The following ZNF721 variants were observed in gnomAD, a reference collection of about 807,000 sequenced individuals.
ZNF721 encodes the protein zinc finger protein 721.
In ZNF721, 2 loss-of-function variants were observed where a neutral mutation model predicts 2.4. That is an observed-to-expected ratio of 0.82 (90% confidence interval 0.34 to 2.58). The LOEUF is 2.58. ZNF721 is among the 30% of genes most tolerant of loss of function. The pLI is 0.11. For missense variants in ZNF721, 1,187 were observed against 1,085.5 expected (o/e 1.09, Z -1.31); for synonymous variants, 398 against 381.8 (o/e 1.04, Z -0.50).
intron 2 of ZNF721, among the ~76,000 whole-genome samples, chr4:465,443 T>G (rs1349224516): frequency 7.3e-5 from 11 of 151,540 alleles, no homozygotes; most frequent in African/African-American, 2.7e-4. Flanking sequence ...TTGTTTTTTT[T>G]TTTTTTGAGA....
At chr4:474,107 G>A (rs73072110) in intron 1 of ZNF721, 1 of 1,232,942 alleles carries the variant, frequency 8.1e-7, no homozygotes, top group African/African-American at 1.5e-5. Context: ...TGGAAGCAGG[G>A]AAGTGAGGCC....
At chr4:453,114 G>A (rs1436117023) in intron 2 of ZNF721, among the ~76,000 whole-genome samples, 1 of 152,180 alleles carries the variant, frequency 6.6e-6, no homozygotes, top group Non-Finnish European at 1.5e-5. Flanking sequence ...CAAATACACT[G>A]GTGGCACTCG....
At chr4:465,811 G>C (rs1191867952) in intron 2 of ZNF721, among the ~76,000 whole-genome samples, 3 of 150,538 alleles carry the variant, frequency 2.0e-5, no homozygotes, top group African/African-American at 7.3e-5. Context: ...AACTGTAGTA[G>C]ATACACACAC....
Position 473,884 on chromosome 4 carries a change from G to C in ZNF721, c.-93-1183C>G, listed in dbSNP as rs989761358. On this transcript the variant is annotated intron_variant, in intron 1 of 2. Transcript: ENST00000511833. ...GGACCGAGGGCTAAGCGGCGGCAGC[G>C]GGGACTCCGTTCGCAGACTCAGTCC... 9.3e-6 allele frequency: 13 copies of C among 1,401,900 alleles called. No individual in the cohort carries two copies. The Admixed American group carries it at 2.1e-4, about 22-fold the overall frequency. The allele number at this position is 1,401,900 out of a possible 1,614,324, so 86.8% of individuals were successfully genotyped here.
At chr4:483,647 T>C (rs1715826066) in intron 1 of ZNF721, among the ~76,000 whole-genome samples, 2 of 151,948 alleles carry the variant, frequency 1.3e-5, no homozygotes, top group South Asian at 4.2e-4. Context: ...CAAAAACGGG[T>C]AGTTCTAGTC....
chr4:449,368 G>T (rs956857414), intron 2 of ZNF721, among the ~76,000 whole-genome samples: 2 of 151,838 alleles, frequency 1.3e-5, no homozygotes, highest in Admixed American at 6.6e-5. Context: ...TCAATAAATG[G>T]TGCTAGGAAA....
At chr4:468,211 G>C (rs1225922817) in intron 2 of ZNF721, among the ~76,000 whole-genome samples, 3 of 151,604 alleles carry the variant, frequency 2.0e-5, no homozygotes, top group Non-Finnish European at 4.4e-5. Flanking sequence ...AGCTTGCAGT[G>C]AGCTGAGATA....
chr4:444,124 C>G lies in ZNF721; in HGVS notation c.343G>C (p.Gly115Arg), dbSNP rs374184602. The G allele has an allele frequency of 5.6e-6, 9 of 1,614,026 alleles. No homozygotes were observed. Among genetic ancestry groups the G allele is most frequent in the African/African-American group, 1.3e-5 (1 of 74,934 alleles). The change falls in exon 3 of 3, where the codon GGC (glycine) becomes CGC (arginine). Residue 115 changes from glycine to arginine, a missense_variant. Physicochemically the swap from Gly to Arg is moderately radical, Grantham distance 125 (BLOSUM62 -2). Coordinates refer to ENST00000511833, the MANE Select transcript of ZNF721 (RefSeq NM_133474.4). ...GEKHFKCNEC[G>R]KSFQKFSDLT... Reference sequence around the variant, plus strand: ...TCTGAGAACTTCTGAAATGACTTGCCACATTCGTTACATTTAAAGTGTTTC... The same window carrying G: ...TCTGAGAACTTCTGAAATGACTTGCGACATTCGTTACATTTAAAGTGTTTC...
chr4:485,668 C>T (rs1715875570), intron 1 of ZNF721, among the ~76,000 whole-genome samples: 1 of 152,184 alleles, frequency 6.6e-6, no homozygotes, highest in African/African-American at 2.4e-5. Flanking sequence ...CCTAAAATCG[C>T]CATTGCCTGG....
intron 2 of ZNF721, among the ~76,000 whole-genome samples, chr4:461,406 C>CT (rs1158072372): frequency 6.6e-6 from 1 of 152,180 alleles, no homozygotes; most frequent in African/African-American, 2.4e-5. Context: ...TTCAACACCC[C>CT]TTCATGCTAA....
intron 2 of ZNF721, among the ~76,000 whole-genome samples, chr4:449,674 A>G (rs1472781109): frequency 2.6e-5 from 4 of 152,214 alleles, no homozygotes; most frequent in African/African-American, 9.6e-5. Flanking sequence ...CAAAATATAC[A>G]TATGACAAAA....
intron 1 of ZNF721, among the ~76,000 whole-genome samples, chr4:493,283 T>C (rs1716071705): frequency 6.6e-6 from 1 of 152,084 alleles, no homozygotes; most frequent in Non-Finnish European, 1.5e-5. Context: ...AGGAACTTAG[T>C]TTATAGTTTA....
chr4:488,650 T>G (rs1229918546), intron 1 of ZNF721, among the ~76,000 whole-genome samples: 2 of 152,076 alleles, frequency 1.3e-5, no homozygotes, highest in African/African-American at 2.4e-5. Context: ...GCCAACACTG[T>G]GAAACCGCAT....
chr4:447,726 A>G (rs1476106327), intron 2 of ZNF721, among the ~76,000 whole-genome samples: 1 of 152,246 alleles, frequency 6.6e-6, no homozygotes, highest in African/African-American at 2.4e-5. Flanking sequence ...ACCAAATTAT[A>G]TAACACAAAG....
intron 1 of ZNF721, among the ~76,000 whole-genome samples, chr4:483,420 T>C (rs28729407): frequency 0.38 from 57,118 of 151,642 alleles, 11,101 homozygotes; most frequent in African/African-American, 0.48. Flanking sequence ...GGCATGGTGG[T>C]GAGTGCTTGT....
At chr4:491,145 G>A (rs1232574551) in intron 1 of ZNF721, among the ~76,000 whole-genome samples, 3 of 151,856 alleles carry the variant, frequency 2.0e-5, no homozygotes, top group Admixed American at 2.0e-4. Flanking sequence ...ACTGATTTTG[G>A]GGCTGGGCAT....
At chr4:468,877 C>T (rs1553867198) in intron 2 of ZNF721, among the ~76,000 whole-genome samples, 1 of 152,174 alleles carries the variant, frequency 6.6e-6, no homozygotes, top group East Asian at 1.9e-4. Context: ...AGGACCACAG[C>T]TTCTATCTTA....
At chr4:477,924 T>C (rs1179164585) in intron 1 of ZNF721, among the ~76,000 whole-genome samples, 1 of 152,022 alleles carries the variant, frequency 6.6e-6, no homozygotes, top group African/African-American at 2.4e-5. Flanking sequence ...CAGCTGACAA[T>C]AAGGAAGCAT....
intron 2 of ZNF721, among the ~76,000 whole-genome samples, chr4:465,326 G>A (rs542688137): frequency 5.5e-4 from 83 of 152,116 alleles, no homozygotes; most frequent in Non-Finnish European, 1.0e-3. Context: ...AGTTGAGGCC[G>A]AACTGAGCTG....
Sources: allele counts gnomAD v4.1 joint callset (sites outside exome capture counted in the v4.1 genomes callset), GRCh38; gene constraint gnomAD v4.1.1; transcripts MANE v1.5; gene names NCBI Gene and HGNC (gene_info 2026-07-23, HGNC 2026-07-21).